The following NAXD variants were observed in gnomAD, a reference collection of about 807,000 sequenced individuals.
NAXD encodes ATP-dependent (S)-NAD(P)H-hydrate dehydratase.
NAXD carries 22 observed loss-of-function variants against 35.8 expected under a neutral mutation model. The ratio of observed to expected loss-of-function variants is 0.62; its 90% CI spans 0.44 to 0.88. The LOEUF is 0.88. Among genes scored for constraint, NAXD ranks in the 40% least tolerant of loss-of-function variants. The pLI is 0.00. For missense variants in NAXD, 428 were observed against 437.7 expected, an observed-to-expected ratio of 0.98 and a Z score of 0.20; for synonymous variants, 189 against 177.6, an observed-to-expected ratio of 1.06 and a Z score of -0.51.
chr13:110,635,410 TGTC>T lies in NAXD; in HGVS notation c.598-52_598-50del, dbSNP rs1227782698. The T allele has an allele frequency of 1.9e-5, 30 of 1,588,074 alleles. No individual in the cohort carries two copies. The East Asian group carries it at 6.5e-4, about 35-fold the overall frequency. ...TCATGGCGGATGGGACAGGGCTATC[TGTC>T]GTCGTGTGTCTGAGGAAGACTTTGC... On this transcript the variant is annotated intron_variant, in intron 7 of 9. Transcript: ENST00000680254.
In NAXD at chr13:110,635,288, C is replaced by T. The variant is rs552022459; in HGVS notation, c.598-180C>T. On this transcript the variant is annotated intron_variant, in intron 7 of 9. Transcript: ENST00000680254. ...AGCAGGCACCGTGTCAGCACCTGCTCGGAGGACTCACTGCAGGTGATATCC... is the reference window on the plus strand; with the variant it reads ...AGCAGGCACCGTGTCAGCACCTGCTTGGAGGACTCACTGCAGGTGATATCC... Among the ~76,000 whole-genome samples, 177 of 152,324 alleles carry T rather than the reference C, an allele frequency of 1.2e-3. 1 individual carries two copies. Among genetic ancestry groups the T allele is most frequent in the African/African-American group, 4.0e-3 (165 of 41,570 alleles).
intron 1 of NAXD, among the ~76,000 whole-genome samples, chr13:110,616,795 C>T (rs1470068199): frequency 6.6e-6 from 1 of 152,184 alleles, no homozygotes; most frequent in Non-Finnish European, 1.5e-5. Flanking sequence ...CAGGATTCTC[C>T]AGCCAGTGAG....
In NAXD at chr13:110,615,646, A is replaced by G. The variant is rs1053459066; in HGVS notation, c.45A>G (p.Arg15=). The part of the protein sequence containing the change: ...PRCGAIRACR[R]VLERAFSLRK... The stretch of plus-strand genomic sequence containing the variant: ...GTGGGGCAATCCGGGCTTGCAGACG[A>G]GGTAAGGTCGATTCCATTTGGCCCG... The change falls in exon 1 of 10, where the codon CGA becomes CGG. Residue 15 remains arginine (R), a splice_region_variant and synonymous_variant. Coordinates refer to ENST00000680254, the MANE Select transcript of NAXD (RefSeq NM_001242882.2). 1 of 1,502,204 alleles carries G rather than the reference A, an allele frequency of 6.7e-7. No individual in the cohort carries two copies. Among genetic ancestry groups the G allele is most frequent in the African/African-American group, 1.4e-5 (1 of 69,552 alleles). 93.1% of individuals were successfully genotyped at this position (1,502,204 alleles called of 1,614,324 possible).
intron 1 of NAXD, among the ~76,000 whole-genome samples, chr13:110,618,251 A>G (rs1886131996): frequency 6.7e-6 from 1 of 148,736 alleles, no homozygotes; most frequent in African/African-American, 2.6e-5. Flanking sequence ...AAATCTTGAA[A>G]TATTCAGTTT....
chr13:110,632,099 G>A lies in NAXD; in HGVS notation c.442-2446G>A, dbSNP rs543699842. On this transcript the variant is annotated intron_variant, in intron 5 of 9. Transcript: ENST00000680254. ...AGTGTTACAGCTCTTAAGGTGGCGC[G>A]TCTGGAGTCTGTTCCTTCTGATGTT... Among the ~76,000 whole-genome samples, 594 of 139,028 alleles carry A rather than the reference G, an allele frequency of 4.3e-3. 31 individuals are homozygous for A. Among genetic ancestry groups the A allele is most frequent in the Non-Finnish European group, 7.7e-4 (48 of 62,506 alleles). 91.2% of individuals were successfully genotyped at this position (139,028 alleles called of 152,430 possible).
rs1265324782 is a variant in NAXD at position 110,639,849 on chromosome 13, T to C, written c.*1321T>C. 1 of 152,146 alleles carries C rather than the reference T, an allele frequency of 6.6e-6. No individual in the cohort carries two copies. The highest frequency in any genetic ancestry group is 1.5e-5 in the Non-Finnish European group (1 of 68,014). 9.4% of individuals were successfully genotyped at this position (152,146 alleles called of 1,614,324 possible). On this transcript the variant is annotated 3_prime_UTR_variant, in exon 10 of 10. Coordinates refer to ENST00000680254, the MANE Select transcript of NAXD (RefSeq NM_001242882.2). The stretch of plus-strand genomic sequence containing the variant: ...GGACTTTCAAGATTAAAAAAAAGAT[T>C]GTCACTACTAATTTGACGCCTAACT...
intron 9 of NAXD, among the ~76,000 whole-genome samples, chr13:110,637,629 G>T (rs1886983682): frequency 6.6e-6 from 1 of 152,250 alleles, no homozygotes; most frequent in Non-Finnish European, 1.5e-5. Context: ...TTAAAGATGT[G>T]AATTTTCTTT....
chr13:110,622,125 A>G (rs1886289397), intron 1 of NAXD, 91 bp from the exon 2 acceptor site: 4 of 1,031,744 alleles, frequency 3.9e-6, no homozygotes, highest in Non-Finnish European at 2.7e-6. Flanking sequence ...CATTCGTAAT[A>G]ACTTTGGAGA....
At chr13:110,634,121 A>C (rs1170880483) in intron 5 of NAXD, among the ~76,000 whole-genome samples, 2 of 151,942 alleles carry the variant, frequency 1.3e-5, no homozygotes, top group South Asian at 2.1e-4. Context: ...TCTCTATTTT[A>C]TTCATTTACT....
Position 110,627,543 on chromosome 13 carries a change from T to C in NAXD, c.437T>C (p.Val146Ala). ...LGRDDALLRN[V>A]QGILEVSKAR... Reference sequence around the variant, plus strand: ...AGAGATGATGCGCTTCTCAGAAATGTCCAGGTAATGTGTATACTCACTCAC... The same window carrying C: ...AGAGATGATGCGCTTCTCAGAAATGCCCAGGTAATGTGTATACTCACTCAC... Residue 146 changes from valine (V) to alanine (A), a missense_variant, in exon 5 of 10, where the codon GTC becomes GCC. Val to Ala is a moderately conservative substitution (Grantham distance 64). Around this residue, in one of 3 missense-constraint regions of NAXD, gnomAD observed 208 missense variants for 193.0 expected, o/e 1.08. Transcript: ENST00000680254. The C allele has an allele frequency of 6.2e-7, 1 of 1,609,702 alleles. No homozygotes were observed. The highest frequency in any genetic ancestry group is 1.3e-5 in the African/African-American group (1 of 74,944).
At chr13:110,637,460 C>T (rs1462453991) in intron 9 of NAXD, among the ~76,000 whole-genome samples, 1 of 152,030 alleles carries the variant, frequency 6.6e-6, no homozygotes, top group Non-Finnish European at 1.5e-5. Context: ...GTGGATGGGG[C>T]CTGGGGCAGG....
chr13:110,623,400 C>G (rs1886339368), intron 2 of NAXD, among the ~76,000 whole-genome samples: 1 of 152,122 alleles, frequency 6.6e-6, no homozygotes, highest in Non-Finnish European at 1.5e-5. Context: ...CTGAAGTGCC[C>G]TTAGACCTGG....
In NAXD at chr13:110,615,617, C is replaced by T. The variant is rs1307817874; in HGVS notation, c.16C>T (p.Arg6Cys). ...ATGCTGCCCGATGGCCCTGGGTCCT[C>T]GCTGTGGGGCAATCCGGGCTTGCAG... Reference protein sequence around the residue: MALGPRCGAIRACRRV... With the variant: MALGPCCGAIRACRRV... Residue 6 changes from arginine to cysteine, a missense_variant, in exon 1 of 10, where the codon CGC becomes TGC. This residue lies in a region of NAXD where 208 missense variants were observed against 193.0 expected (regional missense o/e 1.08). Transcript: ENST00000680254. The T allele has an allele frequency of 6.8e-7, 1 of 1,460,422 alleles. No homozygotes were observed. Among genetic ancestry groups the T allele is most frequent in the Non-Finnish European group, 9.0e-7 (1 of 1,110,212 alleles). The allele number at this position is 1,460,422 out of a possible 1,614,324, so 90.5% of individuals were successfully genotyped here.
intron 1 of NAXD, chr13:110,616,149 A>C (rs999908143): frequency 4.3e-6 from 1 of 234,928 alleles, no homozygotes; most frequent in Non-Finnish European, 8.2e-6. Flanking sequence ...ATGCTCGCCA[A>C]CTGCGGGCTT....
At chr13:110,620,222 C>T (rs147816845) in intron 1 of NAXD, among the ~76,000 whole-genome samples, 96 of 152,140 alleles carry the variant, frequency 6.3e-4, no homozygotes, top group African/African-American at 2.2e-3. Context: ...TTGTGTCTCT[C>T]CTTGGCCCAC....
intron 1 of NAXD, among the ~76,000 whole-genome samples, chr13:110,619,139 A>G (rs1886168803): frequency 6.6e-6 from 1 of 152,226 alleles, no homozygotes; most frequent in Non-Finnish European, 1.5e-5. Context: ...CCGGTAATGT[A>G]TAGGTTATTT....
chr13:110,615,747 G>T, intron 1 of NAXD, 100 bp downstream of exon 1: 1 of 1,472,350 alleles, frequency 6.8e-7, no homozygotes, highest in South Asian at 1.3e-5. Context: ...GGCCGCACTC[G>T]CGCTGTACGG....
At chr13:110,636,376 A>C (rs373026191) in intron 8 of NAXD, among the ~76,000 whole-genome samples, 7 of 64,322 alleles carry the variant, frequency 1.1e-4, no homozygotes, top group Non-Finnish European at 1.6e-4. Flanking sequence ...CACGCATGCA[A>C]TTCATACACA....
chr13:110,634,403 G>A (rs1007898206), intron 5 of NAXD, 142 bp from the exon 6 acceptor site: 2 of 803,480 alleles, frequency 2.5e-6, no homozygotes, highest in Non-Finnish European at 4.2e-6. Context: ...AACCCATGAG[G>A]ACACTGCCAC....
Sources: allele counts gnomAD v4.1 joint callset (sites outside exome capture counted in the v4.1 genomes callset), GRCh38; gene constraint gnomAD v4.1.1; regional missense constraint gnomAD v4.1.1; transcripts MANE v1.5; gene names NCBI Gene and HGNC (gene_info 2026-07-23, HGNC 2026-07-21).